The following ANAPC10 variants were observed in gnomAD, a reference collection of about 807,000 sequenced individuals.
ANAPC10 encodes the protein anaphase-promoting complex subunit 10.
ANAPC10 carries 12 observed loss-of-function variants against 22.0 expected under a neutral mutation model. The ratio of observed to expected loss-of-function variants is 0.55; its 90% CI spans 0.35 to 0.88. ANAPC10 has a LOEUF of 0.88. ANAPC10 is among the 40% of genes least tolerant of loss of function. The pLI is 0.01. For missense variants in ANAPC10, 188 were observed against 220.9 expected, an observed-to-expected ratio of 0.85 and a Z score of 0.94; for synonymous variants, 65 against 69.5, an observed-to-expected ratio of 0.94 and a Z score of 0.32.
At chr4:145,026,987 A>ATAT (rs1736844904) in intron 4 of ANAPC10, among the ~76,000 whole-genome samples, 1 of 15,370 alleles carries the variant, frequency 6.5e-5, no homozygotes, top group Non-Finnish European at 1.1e-4. Flanking sequence ...ATATATATAT[A>ATAT]TTTTTTTTTT....
intron 4 of ANAPC10, among the ~76,000 whole-genome samples, chr4:145,051,542 T>C (rs1439484478): frequency 1.3e-5 from 2 of 152,176 alleles, no homozygotes; most frequent in African/African-American, 4.8e-5. Context: ...AATGCAGTTA[T>C]CTATAAAGTG....
chr4:145,026,195 T>G (rs1304354458), intron 4 of ANAPC10, among the ~76,000 whole-genome samples: 1 of 151,992 alleles, frequency 6.6e-6, no homozygotes, highest in Admixed American at 6.6e-5. Flanking sequence ...AAAATGAAAA[T>G]CCGTAAGAAA....
chr4:145,019,389 T>C (rs1211887564), intron 4 of ANAPC10, among the ~76,000 whole-genome samples: 2 of 152,128 alleles, frequency 1.3e-5, no homozygotes, highest in Non-Finnish European at 2.9e-5. Flanking sequence ...TTATAAAATG[T>C]TCAGACTGAA....
At chr4:145,081,456 A>G (rs1746003849) in intron 3 of ANAPC10, 2 of 422,518 alleles carry the variant, frequency 4.7e-6, no homozygotes, top group South Asian at 4.3e-5. Context: ...GCAACATACC[A>G]TAAGAAAATT....
intron 2 of ANAPC10, among the ~76,000 whole-genome samples, chr4:145,082,066 T>G (rs1038308986): frequency 6.6e-6 from 1 of 152,158 alleles, no homozygotes; most frequent in Non-Finnish European, 1.5e-5. Flanking sequence ...TCAACTCTTA[T>G]TAGAGAAATA....
At chr4:145,072,008 CACAAAAAAA>C (rs1320538290) in intron 3 of ANAPC10, among the ~76,000 whole-genome samples, 2 of 150,658 alleles carry the variant, frequency 1.3e-5, no homozygotes, top group Non-Finnish European at 3.0e-5. Context: ...ACAAAAAAAA[CACAAAAAAA>C]ACAAAAAAAA....
chr4:145,013,273 A>C (rs972967566), intron 4 of ANAPC10, among the ~76,000 whole-genome samples: 2 of 152,282 alleles, frequency 1.3e-5, no homozygotes, highest in African/African-American at 4.8e-5. Flanking sequence ...CTTTCTCATG[A>C]GCACAAATGA....
At chr4:145,054,651 G>A (rs1384457381) in intron 4 of ANAPC10, among the ~76,000 whole-genome samples, 50 of 148,788 alleles carry the variant, frequency 3.4e-4, no homozygotes, top group African/African-American at 1.1e-3. Flanking sequence ...GCGCGCGCGC[G>A]CGCGTGCGTG....
chr4:145,015,644 A>G (rs920939423), intron 4 of ANAPC10, among the ~76,000 whole-genome samples: 1 of 152,268 alleles, frequency 6.6e-6, no homozygotes, highest in East Asian at 1.9e-4. Flanking sequence ...TCATCAGGTA[A>G]TGTAAAGTTA....
chr4:145,083,988 T>A (rs1285205804), intron 2 of ANAPC10, among the ~76,000 whole-genome samples: 2 of 152,148 alleles, frequency 1.3e-5, no homozygotes, highest in Admixed American at 6.5e-5. Flanking sequence ...TTTTTCTTTT[T>A]GAGACAGGGT....
chr4:145,066,221 C>G (rs77097166), intron 3 of ANAPC10, among the ~76,000 whole-genome samples: 2,551 of 152,148 alleles, frequency 0.017, 83 homozygotes, highest in African/African-American at 0.057. Flanking sequence ...GAAAGTTAAG[C>G]ACTTTTCCTC....
chr4:145,004,327 CTTTA>C (rs990333052), intron 4 of ANAPC10, among the ~76,000 whole-genome samples: 4 of 152,114 alleles, frequency 2.6e-5, no homozygotes, highest in Admixed American at 1.3e-4. Context: ...ATTTGGATGT[CTTTA>C]TTTATTTCTC....
chr4:145,092,130 A>C (rs890227291), intron 2 of ANAPC10, among the ~76,000 whole-genome samples: 3 of 152,142 alleles, frequency 2.0e-5, no homozygotes, highest in Non-Finnish European at 4.4e-5. Flanking sequence ...ACAAATGGAC[A>C]CAGGGAGGGG....
intron 4 of ANAPC10, among the ~76,000 whole-genome samples, chr4:145,047,972 A>G (rs1197045410): frequency 2.0e-5 from 3 of 152,126 alleles, no homozygotes; most frequent in African/African-American, 7.2e-5. Flanking sequence ...CTGGGCTATG[A>G]TAAGAGGCAA....
At chr4:145,084,726 T>C (rs1214685293) in intron 2 of ANAPC10, among the ~76,000 whole-genome samples, 1 of 152,182 alleles carries the variant, frequency 6.6e-6, no homozygotes, top group Non-Finnish European at 1.5e-5. Context: ...TCCAATACGG[T>C]AGCCACTAGC....
chr4:145,024,687 T>C (rs1736409009), intron 4 of ANAPC10, among the ~76,000 whole-genome samples: 1 of 152,180 alleles, frequency 6.6e-6, no homozygotes, highest in Non-Finnish European at 1.5e-5. Flanking sequence ...TGTTCTTCCA[T>C]TTATAGCACA....
At chr4:145,044,479 T>G (rs1342887250) in intron 4 of ANAPC10, among the ~76,000 whole-genome samples, 1 of 151,938 alleles carries the variant, frequency 6.6e-6, no homozygotes, top group African/African-American at 2.4e-5. Flanking sequence ...TCCCCCCAAC[T>G]CCCACCCACC....
intron 4 of ANAPC10, among the ~76,000 whole-genome samples, chr4:145,030,940 T>C (rs1433961075): frequency 6.6e-6 from 1 of 152,164 alleles, no homozygotes; most frequent in African/African-American, 2.4e-5. Context: ...AAGTGGATTA[T>C]CGTAAGCTTA....
At chr4:145,020,851 A>G (rs901437020) in intron 4 of ANAPC10, among the ~76,000 whole-genome samples, 1 of 151,766 alleles carries the variant, frequency 6.6e-6, no homozygotes, top group Non-Finnish European at 1.5e-5. Flanking sequence ...AAAAAAAAAT[A>G]AAAAAGACAA....
Sources: allele counts gnomAD v4.1 joint callset (sites outside exome capture counted in the v4.1 genomes callset), GRCh38; gene constraint gnomAD v4.1.1; transcripts MANE v1.5; gene names NCBI Gene and HGNC (gene_info 2026-07-23, HGNC 2026-07-21).